Variants in PLCB1 observed in about 807,000 individuals in gnomAD.
PLCB1 encodes phospholipase C beta 1.
PLCB1 carries 46 observed loss-of-function variants against 161.8 expected under a neutral mutation model. The ratio of observed to expected loss-of-function variants is 0.28; its 90% confidence interval spans 0.22 to 0.36. The LOEUF (loss-of-function observed/expected upper bound fraction) is 0.36, where lower values mean the gene tolerates loss of function less well. Among genes scored for constraint, PLCB1 ranks in the 10% least tolerant of loss-of-function variants. The pLI, the probability that PLCB1 is intolerant of heterozygous loss-of-function variation, is 1.00. For missense variants in PLCB1, 1,016 were observed against 1,472.5 expected (o/e 0.69, Z 5.07); for synonymous variants, 517 against 503.7 (o/e 1.03, Z -0.35).
Position 8,450,849 on chromosome 20 carries a change from A to G in PLCB1, c.246+79399A>G, listed in dbSNP as rs1047134084. Among the ~76,000 whole-genome samples, 3 of 152,208 alleles carry G rather than the reference A, an allele frequency of 2.0e-5. 1 individual carries two copies. Among genetic ancestry groups the G allele is most frequent in the South Asian group, 4.1e-4 (2 of 4,834 alleles). ...GGACAGTTAACAAAATTTTTGTGAA[A>G]GTACTGTAGAGTTAGAAAACACACC... On this transcript the variant is annotated intron_variant, in intron 3 of 31. Coordinates refer to ENST00000338037, the MANE Select transcript of PLCB1 (RefSeq NM_015192.4).
intron 2 of PLCB1, among the ~76,000 whole-genome samples, chr20:8,178,854 C>T (rs2051809692): frequency 6.6e-6 from 1 of 152,186 alleles, no homozygotes; most frequent in African/African-American, 2.4e-5. Flanking sequence ...CTGCATAGGG[C>T]TGGCCAGTTA....
intron 3 of PLCB1, among the ~76,000 whole-genome samples, chr20:8,514,495 A>G (rs1022478680): frequency 2.0e-5 from 3 of 147,670 alleles, no homozygotes; most frequent in African/African-American, 4.9e-5. Flanking sequence ...CAACATGGCA[A>G]AACTCCATCT....
chr20:8,425,456 C>G (rs1459947039), intron 3 of PLCB1, among the ~76,000 whole-genome samples: 1 of 152,118 alleles, frequency 6.6e-6, no homozygotes, highest in Non-Finnish European at 1.5e-5. Context: ...CTATAAAGTG[C>G]ATCCACATCC....
intron 2 of PLCB1, among the ~76,000 whole-genome samples, chr20:8,330,243 T>C (rs1568634410): frequency 6.6e-6 from 1 of 152,212 alleles, no homozygotes. Context: ...CGTTTCATTA[T>C]AGACAATGTA....
intron 3 of PLCB1, among the ~76,000 whole-genome samples, chr20:8,593,350 C>T (rs775198567): frequency 2.0e-4 from 31 of 151,706 alleles, no homozygotes; most frequent in East Asian, 5.8e-4. Flanking sequence ...TTTGTGTGTG[C>T]GCGTGTGTGT....
At chr20:8,294,235 A>G (rs751313940) in intron 2 of PLCB1, among the ~76,000 whole-genome samples, 2 of 152,134 alleles carry the variant, frequency 1.3e-5, no homozygotes, top group Non-Finnish European at 2.9e-5. Flanking sequence ...ACTTCCCACA[A>G]TGACATACAG....
chr20:8,228,666 C>T (rs1046767757), intron 2 of PLCB1, among the ~76,000 whole-genome samples: 11 of 142,882 alleles, frequency 7.7e-5, no homozygotes, highest in Admixed American at 4.3e-4. Context: ...TGCACCACCA[C>T]GCCCCACTAA....
chr20:8,594,483 G>C (rs967355868), intron 3 of PLCB1, among the ~76,000 whole-genome samples: 1 of 152,068 alleles, frequency 6.6e-6, no homozygotes, highest in Non-Finnish European at 1.5e-5. Context: ...GTTAGGGGCG[G>C]TCCTGAGATT....
At chr20:8,876,529 C>T (rs548583528) in intron 31 of PLCB1, among the ~76,000 whole-genome samples, 45 of 152,254 alleles carry the variant, frequency 3.0e-4, no homozygotes, top group African/African-American at 1.0e-3. Flanking sequence ...AATGAGACTA[C>T]TTTCTGTTCC....
chr20:8,605,635 A>G (rs564880508), intron 3 of PLCB1, among the ~76,000 whole-genome samples: 1,734 of 149,768 alleles, frequency 0.012, 21 homozygotes, highest in South Asian at 0.041. Context: ...TTTTAAAGAA[A>G]AAAGCTCTCA....
chr20:8,579,936 G>T (rs1194786134), intron 3 of PLCB1, among the ~76,000 whole-genome samples: 8 of 152,162 alleles, frequency 5.3e-5, no homozygotes, highest in African/African-American at 1.9e-4. Context: ...GTAATGTAAG[G>T]CAGGCTTAGG....
chr20:8,453,984 C>G (rs1419668217), intron 3 of PLCB1, among the ~76,000 whole-genome samples: 1 of 152,120 alleles, frequency 6.6e-6, no homozygotes, highest in African/African-American at 2.4e-5. Flanking sequence ...GACATCAGAG[C>G]TCACTCACTC....
chr20:8,538,616 T>G (rs1259379833), intron 3 of PLCB1, among the ~76,000 whole-genome samples: 1 of 152,142 alleles, frequency 6.6e-6, no homozygotes, highest in Non-Finnish European at 1.5e-5. Flanking sequence ...ACTAAAGTGT[T>G]GGGATTACAG....
rs6140630 is a variant in PLCB1, at chr20:8,520,725, C to A, written c.247-107569C>A. ...CTGTGGGTATAAATAACTTTTATTTCTTTTCAACTTCATATCAGTAGGACC... is the reference window on the plus strand; with the variant it reads ...CTGTGGGTATAAATAACTTTTATTTATTTTCAACTTCATATCAGTAGGACC... On this transcript the variant is annotated intron_variant, in intron 3 of 31. Coordinates refer to ENST00000338037, the MANE Select transcript of PLCB1 (RefSeq NM_015192.4). Among the ~76,000 whole-genome samples, 16 of 152,264 alleles carry A rather than the reference C, an allele frequency of 1.1e-4. No individual in the cohort carries two copies. The East Asian group carries it at 2.7e-3, about 26-fold the overall frequency.
intron 27 of PLCB1, among the ~76,000 whole-genome samples, chr20:8,780,554 T>C (rs1983164822): frequency 6.6e-6 from 1 of 152,186 alleles, no homozygotes; most frequent in South Asian, 2.1e-4. Context: ...ACTGAATGGC[T>C]CGCGTTCTTC....
At chr20:8,499,823 G>A (rs1443151102) in intron 3 of PLCB1, among the ~76,000 whole-genome samples, 1 of 152,128 alleles carries the variant, frequency 6.6e-6, no homozygotes, top group African/African-American at 2.4e-5. Flanking sequence ...TTCAACCAAT[G>A]CATACTAGAA....
At chr20:8,173,087 C>A (rs1165977121) in intron 2 of PLCB1, among the ~76,000 whole-genome samples, 1 of 152,150 alleles carries the variant, frequency 6.6e-6, no homozygotes, top group East Asian at 1.9e-4. Context: ...TGGGACTTCT[C>A]CCTCTACCAA....
chr20:8,744,347 AGC>A (rs1981038436), intron 23 of PLCB1, among the ~76,000 whole-genome samples: 1 of 152,178 alleles, frequency 6.6e-6, no homozygotes, highest in African/African-American at 2.4e-5. Flanking sequence ...CTAAGGAATA[AGC>A]ACTTGCTTCA....
At chr20:8,663,293 A>C (rs1030940178) in intron 9 of PLCB1, among the ~76,000 whole-genome samples, 1 of 152,074 alleles carries the variant, frequency 6.6e-6, no homozygotes, top group Admixed American at 6.6e-5. Context: ...CATATCTTAA[A>C]GTAGGTGTTA....
Sources: gnomAD v4.1 joint callset for allele counts (sites outside exome capture counted in the v4.1 genomes callset) on GRCh38, gnomAD v4.1.1 for gene constraint, MANE v1.5 for transcripts, NCBI Gene and HGNC (gene_info 2026-07-23, HGNC 2026-07-21) for gene names.